KIAA0408: variants seen among roughly 807,000 people sequenced by gnomAD.
KIAA0408 encodes KIAA0408.
KIAA0408 carries 51 observed loss-of-function variants against 60.9 expected under a neutral mutation model. The observed-to-expected ratio is 0.84, with a 90% confidence interval of 0.67 to 1.06. The LOEUF (loss-of-function observed/expected upper bound fraction) is 1.06. Among genes scored for constraint, KIAA0408 ranks in the 50% least tolerant of loss-of-function variants. KIAA0408 has a pLI of 0.00. For missense variants in KIAA0408, 787 were observed against 833.9 expected (o/e 0.94, Z 0.69); for synonymous variants, 304 against 282.4 (o/e 1.08, Z -0.77).
rs566477699 is a variant in KIAA0408, at chr6:127,449,513, G to A, written c.578+309C>T. Among the ~76,000 whole-genome samples, 8 of 152,192 alleles carry A rather than the reference G, an allele frequency of 5.3e-5. No individual in the cohort carries two copies. The South Asian group carries it at 6.2e-4, about 12-fold the overall frequency. On this transcript the variant is annotated intron_variant, in intron 4 of 5. Coordinates refer to ENST00000483725, the MANE Select transcript of KIAA0408 (RefSeq NM_014702.5). ...AAAAATACAAAAAAACTAGCTGGGC[G>A]TGGTGGTGTGTGCCTGTAGTCCCAG...
chr6:127,455,299 A>C (rs563499896), intron 1 of KIAA0408, among the ~76,000 whole-genome samples: 2 of 152,294 alleles, frequency 1.3e-5, no homozygotes, highest in East Asian at 3.9e-4. Flanking sequence ...TTACGGACAA[A>C]GATCCCAACA....
chr6:127,447,510 G>A lies in KIAA0408; in HGVS notation c.809C>T (p.Pro270Leu). The A allele has an allele frequency of 6.2e-7, 1 of 1,611,808 alleles. No individual in the cohort carries two copies. Among genetic ancestry groups the A allele is most frequent in the Non-Finnish European group, 8.5e-7 (1 of 1,179,434 alleles). ...GGGAAAATTTCGAGAGGTGCTTCTT[G>A]GAGGAGGAACTGGTGGAGTTTCATT... ...KRNETPPVPP[P>L]RSTSRNFPSS... The change falls in exon 5 of 6, where the codon CCA becomes CTA. Residue 270 changes from proline (P) to leucine (L), a missense_variant. Pro to Leu is a moderately conservative substitution (Grantham distance 98, BLOSUM62 -3). Around this residue, in one of 3 missense-constraint regions of KIAA0408, gnomAD observed 640 missense variants for 681.3 expected, o/e 0.94. Transcript: ENST00000483725.
In KIAA0408 at chr6:127,447,371, T is replaced by C. The variant is rs1773219785; in HGVS notation, c.948A>G (p.Arg316=). The C allele has an allele frequency of 6.2e-7, 1 of 1,612,276 alleles. No homozygotes were observed. Among genetic ancestry groups the C allele is most frequent in the South Asian group, 1.1e-5 (1 of 90,728 alleles). Residue 316 remains arginine, a synonymous_variant, in exon 5 of 6, where the codon AGA becomes AGG. Transcript: ENST00000483725. ...GATACAACATAGACATCTCTTGTTG[T>C]CTCAAAGGGAAGTGAGGGTTGTAAT... is the stretch of plus-strand genomic sequence containing the variant. ...KRNYNPHFPL[R]QQEMSMLYPN...
intron 1 of KIAA0408, among the ~76,000 whole-genome samples, chr6:127,456,312 TATGTAGCAAATGGCTCCA>T (rs1289952455): frequency 6.6e-5 from 10 of 152,302 alleles, no homozygotes; most frequent in Non-Finnish European, 1.5e-4. Flanking sequence ...TTTCTACAAT[TATGTAGCAAATGGCTCCA>T]ATTTTTCCTT....
At position 127,444,064 on chromosome 6, in the gene KIAA0408, A is replaced by G; in HGVS notation, c.*45T>C. 3 of 1,583,700 alleles carry G rather than the reference A, an allele frequency of 1.9e-6. No homozygotes were observed. The highest frequency in any genetic ancestry group is 2.6e-6 in the Non-Finnish European group (3 of 1,154,396). ...AAACACTCAGAATGCTCTGTTTGACAAGTGGGACTAGAACTTCTGTAATAT... is the reference window on the plus strand; with the variant it reads ...AAACACTCAGAATGCTCTGTTTGACGAGTGGGACTAGAACTTCTGTAATAT... On this transcript the variant is annotated 3_prime_UTR_variant, in exon 6 of 6. Coordinates refer to ENST00000483725, the MANE Select transcript of KIAA0408 (RefSeq NM_014702.5).
At position 127,446,509 on chromosome 6, in the gene KIAA0408, G is replaced by A. The variant is rs2114791504; in HGVS notation, c.1810C>T (p.His604Tyr). 1 of 1,614,072 alleles carries A rather than the reference G, an allele frequency of 6.2e-7. No homozygotes were observed. ...TGTTCCATTTGGAGCATTTCTAAAT[G>A]CTGACTTAATGTGGCACCACCACTG... The part of the protein sequence containing the change: ...DVSGGATLSQ[H>Y]LEMLQMEQQF... Residue 604 changes from histidine to tyrosine, a missense_variant, in exon 5 of 6, where the codon CAT becomes TAT. By Grantham distance (83) the His-to-Tyr change is moderately conservative. Transcript: ENST00000483725.
Position 127,446,343 on chromosome 6 carries a change from T to A in KIAA0408, c.1911+65A>T, listed in dbSNP as rs183579350. ...ATTCTATTTATATGAATTGGACATA[T>A]AAACATGATTCAGAGCCATTGCTAA... On this transcript the variant is annotated intron_variant, in intron 5 of 5. Transcript: ENST00000483725. 3,578 of 1,541,688 alleles carry A rather than the reference T, an allele frequency of 2.3e-3. 20 individuals carry two copies. The highest frequency in any genetic ancestry group is 0.012 in the South Asian group (913 of 78,760).
intron 4 of KIAA0408, among the ~76,000 whole-genome samples, chr6:127,449,431 T>C (rs991087912): frequency 6.6e-6 from 1 of 151,996 alleles, no homozygotes; most frequent in African/African-American, 2.4e-5. Flanking sequence ...AGGGGGATTA[T>C]TTGAGGTCAG....
In KIAA0408 at chr6:127,446,829, G is replaced by A. The variant is rs893051006; in HGVS notation, c.1490C>T (p.Thr497Ile). Residue 497 changes from threonine (T) to isoleucine (I), a missense_variant, in exon 5 of 6, where the codon ACC becomes ATC. Coordinates refer to ENST00000483725, the MANE Select transcript of KIAA0408 (RefSeq NM_014702.5). ...QSNDVSGIWK[T>I]NAHMPVPMEN... ...CATGGGCACAGGCATGTGGGCATTG[G>A]TTTTCCAAATACCGGACACATCGTT... 6.2e-7 allele frequency: 1 copy of A among 1,613,962 alleles called. No homozygotes were observed. The highest frequency in any genetic ancestry group is 2.2e-5 in the East Asian group (1 of 44,874).
chr6:127,447,977 A>G (rs1773234219), intron 4 of KIAA0408, among the ~76,000 whole-genome samples: 1 of 152,086 alleles, frequency 6.6e-6, no homozygotes, highest in Admixed American at 6.5e-5. Flanking sequence ...ACTCTTTCCA[A>G]ACTTGTCTCT....
Position 127,447,246 on chromosome 6 carries a change from A to G in KIAA0408, c.1073T>C (p.Leu358Pro). 2 of 1,613,802 alleles carry G rather than the reference A, an allele frequency of 1.2e-6. No homozygotes were observed. The highest frequency in any genetic ancestry group is 1.7e-6 in the Non-Finnish European group (2 of 1,179,914). Residue 358 changes from leucine to proline, a missense_variant, in exon 5 of 6, where the codon CTT (leucine) becomes CCT (proline). Around this residue, in one of 3 missense-constraint regions of KIAA0408, gnomAD observed 640 missense variants for 681.3 expected, o/e 0.94. Coordinates refer to ENST00000483725, the MANE Select transcript of KIAA0408 (RefSeq NM_014702.5). ...SKPPSNEDVG[L>P]SMWSCDIGIG... ...CCCAATGTCACATGACCACATGCTA[A>G]GTCCAACATCTTCATTACTTGGAGG... is the stretch of plus-strand genomic sequence containing the variant.
chr6:127,456,397 T>A (rs1392818800), intron 1 of KIAA0408, among the ~76,000 whole-genome samples: 1 of 152,136 alleles, frequency 6.6e-6, no homozygotes, highest in African/African-American at 2.4e-5. Context: ...TGCCAGGCCT[T>A]TCTCTTTTTA....
In KIAA0408 at chr6:127,447,019, T is replaced by A. The variant is rs778564256; in HGVS notation, c.1300A>T (p.Arg434Trp). Reference sequence around the variant, plus strand: ...GTCTTTGCTGCCAGCTTCTCATTCCTTGTAGTCCTTTCAAAGCCACAACTG... The same window carrying A: ...GTCTTTGCTGCCAGCTTCTCATTCCATGTAGTCCTTTCAAAGCCACAACTG... The part of the protein sequence containing the change: ...NFSCGFERTT[R>W]NEKLAAKTDE... The change falls in exon 5 of 6, where the codon AGG becomes TGG. Residue 434 changes from arginine (R) to tryptophan (W), a missense_variant. Coordinates refer to ENST00000483725, the MANE Select transcript of KIAA0408 (RefSeq NM_014702.5). The A allele has an allele frequency of 6.2e-7, 1 of 1,613,614 alleles. No homozygotes were observed. The highest frequency in any genetic ancestry group is 1.1e-5 in the South Asian group (1 of 90,990).
intron 5 of KIAA0408, among the ~76,000 whole-genome samples, chr6:127,445,799 G>A (rs900258608): frequency 2.0e-5 from 3 of 152,122 alleles, no homozygotes; most frequent in African/African-American, 7.2e-5. Context: ...GTCCATTTGA[G>A]TGGGGTTTTT....
At position 127,449,907 on chromosome 6, in the gene KIAA0408, C is replaced by A; in HGVS notation, c.499-6G>T. 1 of 1,613,950 alleles carries A rather than the reference C, an allele frequency of 6.2e-7. No homozygotes were observed. The highest frequency in any genetic ancestry group is 1.1e-5 in the South Asian group (1 of 91,072). ...TTCGCAAGTTCTTCAAGAGCCTTTA[C>A]ACATATAAGCAACAGCCCGTTAGCA... On this transcript the variant is annotated splice_polypyrimidine_tract_variant and splice_region_variant and intron_variant, in intron 3 of 5. Transcript: ENST00000483725.
chr6:127,447,416 A>G lies in KIAA0408; in HGVS notation c.903T>C (p.His301=). The part of the protein sequence containing the change: ...ERLDHNSWVP[H]EGRSKRNYNP... The stretch of plus-strand genomic sequence containing the variant: ...TGTAATTCCTTTTACTTCGACCCTC[A>G]TGGGGCACCCAGCTGTTGTGGTCTA... Residue 301 remains histidine, a synonymous_variant, in exon 5 of 6, where the codon CAT becomes CAC. Coordinates refer to ENST00000483725, the MANE Select transcript of KIAA0408 (RefSeq NM_014702.5). 6.2e-7 allele frequency: 1 copy of G among 1,613,832 alleles called. No homozygotes were observed.
chr6:127,453,690 T>G (rs1773342194), intron 2 of KIAA0408, among the ~76,000 whole-genome samples, 157 bp downstream of exon 2: 1 of 152,120 alleles, frequency 6.6e-6, no homozygotes, highest in Non-Finnish European at 1.5e-5. Flanking sequence ...TACCATTGGA[T>G]AAGATTATGC....
chr6:127,450,203 C>G lies in KIAA0408; in HGVS notation c.285G>C (p.Thr95=). The change falls in exon 3 of 6, where the codon ACG becomes ACC. Residue 95 remains threonine (T), a synonymous_variant. Coordinates refer to ENST00000483725, the MANE Select transcript of KIAA0408 (RefSeq NM_014702.5). ...CTTTTCTCAGACCATCTTTGTGATT[C>G]GTCCTTATAAATTCACTTTGTCCTA... ...PDLGQSEFIR[T]NHKDGLRKEN... 1 of 1,613,926 alleles carries G rather than the reference C, an allele frequency of 6.2e-7. No individual in the cohort carries two copies. The highest frequency in any genetic ancestry group is 1.3e-5 in the African/African-American group (1 of 74,990).
intron 2 of KIAA0408, 25 bp downstream of exon 2, chr6:127,453,822 A>G: frequency 1.2e-6 from 2 of 1,606,730 alleles, no homozygotes; most frequent in South Asian, 1.1e-5. Flanking sequence ...ACATTACAGT[A>G]TATCCAAAAC....
Sources: gnomAD v4.1 joint callset for allele counts (sites outside exome capture counted in the v4.1 genomes callset) on GRCh38, gnomAD v4.1.1 for gene constraint, gnomAD v4.1.1 regional missense constraint, MANE v1.5 for transcripts, NCBI Gene and HGNC (gene_info 2026-07-23, HGNC 2026-07-21) for gene names.